Variants in RBFOX1 observed in about 807,000 individuals in gnomAD.
The protein encoded by RBFOX1 is RNA binding protein fox-1 homolog 1.
In RBFOX1, 8 loss-of-function variants were observed where a neutral mutation model predicts 57.7. The ratio of observed to expected loss-of-function variants is 0.14; its 90% CI spans 0.08 to 0.25. RBFOX1 has a LOEUF of 0.25. RBFOX1 is among the 10% of genes least tolerant of loss of function. RBFOX1 has a pLI of 1.00. For missense variants in RBFOX1, 611 were observed against 548.5 expected, an observed-to-expected ratio of 1.11 and a Z score of -1.14; for synonymous variants, 326 against 222.4, an observed-to-expected ratio of 1.47 and a Z score of -4.15.
intron 3 of RBFOX1, among the ~76,000 whole-genome samples, chr16:6,965,245 G>T (rs1032660848): frequency 6.6e-6 from 1 of 151,568 alleles, no homozygotes; most frequent in Non-Finnish European, 1.5e-5. Flanking sequence ...CACTCATTTG[G>T]GTGTAAAAAA....
intron 4 of RBFOX1, among the ~76,000 whole-genome samples, chr16:7,483,749 G>A (rs1467927455): frequency 2.0e-5 from 3 of 152,194 alleles, no homozygotes; most frequent in Non-Finnish European, 4.4e-5. Context: ...GGGCTGTATG[G>A]CTTTGCATCC....
chr16:6,870,775 A>G lies in RBFOX1; in HGVS notation c.-15-181282A>G, dbSNP rs1007206523. Among the ~76,000 whole-genome samples, 6 of 152,174 alleles carry G rather than the reference A, an allele frequency of 3.9e-5. No individual in the cohort carries two copies. The East Asian group carries it at 5.8e-4, about 15-fold the overall frequency. ...CCCCAGCCCCTCAACAAACTAAACA[A>G]CTGTTTCACTACTAGCAACTAATTT... On this transcript the variant is annotated intron_variant, in intron 3 of 15. Coordinates refer to ENST00000550418, the MANE Select transcript of RBFOX1 (RefSeq NM_018723.4).
At chr16:7,114,497 C>T (rs1167640877) in intron 4 of RBFOX1, among the ~76,000 whole-genome samples, 1 of 152,178 alleles carries the variant, frequency 6.6e-6, no homozygotes, top group African/African-American at 2.4e-5. Flanking sequence ...CACTCAAGCA[C>T]TGTGAAAATT....
At chr16:6,187,221 G>A (rs2097110938) in intron 1 of RBFOX1, among the ~76,000 whole-genome samples, 1 of 152,086 alleles carries the variant, frequency 6.6e-6, no homozygotes, top group Non-Finnish European at 1.5e-5. Context: ...ACCTGTATCA[G>A]GTCATAGAAA....
At chr16:7,449,765 T>C (rs2098837395) in intron 4 of RBFOX1, among the ~76,000 whole-genome samples, 1 of 151,804 alleles carries the variant, frequency 6.6e-6, no homozygotes, top group Non-Finnish European at 1.5e-5. Context: ...TTTTTGTTTT[T>C]GTTTTTTTCA....
chr16:6,704,886 C>T (rs1472980915), intron 3 of RBFOX1: 1 of 152,056 alleles, frequency 6.6e-6, no homozygotes, highest in Non-Finnish European at 1.5e-5. Flanking sequence ...CAGTTTCTTG[C>T]TCTTTTAGCT....
chr16:5,269,352 C>T (rs886470700), intron 1 of RBFOX1, among the ~76,000 whole-genome samples: 1 of 152,236 alleles, frequency 6.6e-6, no homozygotes, highest in Non-Finnish European at 1.5e-5. Context: ...TATATGTCTT[C>T]CTTGGAGATG....
intron 3 of RBFOX1, among the ~76,000 whole-genome samples, chr16:6,904,548 C>G (rs1018632989): frequency 7.7e-6 from 1 of 130,134 alleles, no homozygotes; most frequent in Non-Finnish European, 1.5e-5. Flanking sequence ...TTGCAGTGAG[C>G]TGAGATCATG....
At chr16:5,699,599 CA>C (rs2050964761) in intron 3 of RBFOX1, among the ~76,000 whole-genome samples, 6 of 151,966 alleles carry the variant, frequency 3.9e-5, no homozygotes, top group Admixed American at 3.3e-4. Context: ...AGTTAAGAGA[CA>C]TTTTTGGTTG....
intron 2 of RBFOX1, among the ~76,000 whole-genome samples, chr16:5,583,279 T>C (rs1246562990): frequency 6.6e-6 from 1 of 152,196 alleles, no homozygotes. Context: ...TATATTTGAG[T>C]TCTTGGGGAC....
chr16:6,929,461 T>C (rs1597495090), intron 3 of RBFOX1, among the ~76,000 whole-genome samples: 2 of 152,136 alleles, frequency 1.3e-5, no homozygotes, highest in Middle Eastern at 3.2e-3. Context: ...GAAGCGTGCT[T>C]TTCTGTATTC....
intron 4 of RBFOX1, among the ~76,000 whole-genome samples, chr16:7,137,415 A>G (rs985922128): frequency 6.6e-5 from 10 of 152,142 alleles, no homozygotes; most frequent in African/African-American, 2.4e-4. Context: ...GGTAGCGAGT[A>G]AGTCTGATGA....
chr16:6,477,119 C>T (rs927410747), intron 2 of RBFOX1, among the ~76,000 whole-genome samples: 9 of 152,204 alleles, frequency 5.9e-5, no homozygotes, highest in African/African-American at 2.2e-4. Context: ...TTGAACCCTT[C>T]AAAATCATTC....
chr16:7,444,850 C>G (rs2098796217), intron 4 of RBFOX1, among the ~76,000 whole-genome samples: 1 of 152,078 alleles, frequency 6.6e-6, no homozygotes, highest in African/African-American at 2.4e-5. Flanking sequence ...ACTCTTAATC[C>G]TGGCCTGTAT....
chr16:5,630,670 A>G (rs2048479003), intron 3 of RBFOX1, among the ~76,000 whole-genome samples: 1 of 152,076 alleles, frequency 6.6e-6, no homozygotes, highest in Admixed American at 6.5e-5. Context: ...TTTCCCAGAG[A>G]GAAGCCAAGC....
chr16:7,359,294 G>T (rs778086105), intron 4 of RBFOX1, among the ~76,000 whole-genome samples: 21 of 152,170 alleles, frequency 1.4e-4, no homozygotes, highest in Non-Finnish European at 1.5e-4. Flanking sequence ...GCTGTATGTA[G>T]CATGTAGCTA....
intron 1 of RBFOX1, among the ~76,000 whole-genome samples, chr16:6,270,025 C>G (rs1197578093): frequency 6.6e-6 from 1 of 151,986 alleles, no homozygotes; most frequent in Non-Finnish European, 1.5e-5. Flanking sequence ...CAGGCTGTGA[C>G]AAGTTATGTA....
intron 4 of RBFOX1, among the ~76,000 whole-genome samples, chr16:5,994,619 G>A (rs1331535098): frequency 6.6e-6 from 1 of 152,094 alleles, no homozygotes; most frequent in Non-Finnish European, 1.5e-5. Flanking sequence ...AGTCTCCATT[G>A]CAGCTACTCA....
chr16:5,566,371 T>A (rs1278527217), intron 2 of RBFOX1, among the ~76,000 whole-genome samples: 2 of 152,076 alleles, frequency 1.3e-5, no homozygotes, highest in African/African-American at 4.8e-5. Context: ...CTGCAAATGG[T>A]GGCACGGTAC....
Sources: gnomAD v4.1 joint callset for allele counts (sites outside exome capture counted in the v4.1 genomes callset) on GRCh38, gnomAD v4.1.1 for gene constraint, MANE v1.5 for transcripts, NCBI Gene and HGNC (gene_info 2026-07-23, HGNC 2026-07-21) for gene names.